Variants in FHOD3 observed in about 807,000 individuals in gnomAD.
The protein encoded by FHOD3 is FH1/FH2 domain-containing protein 3.
A neutral mutation model predicts 173.0 loss-of-function variants in FHOD3; 90 were observed. The ratio of observed to expected loss-of-function variants is 0.52; its 90% CI spans 0.44 to 0.62. FHOD3 has a LOEUF of 0.62. Ranked by LOEUF, FHOD3 falls within the 20% of genes least tolerant of loss-of-function variation. The probability of loss-of-function intolerance (pLI) is 0.00; values close to 1 mark genes in which losing one functional copy is unlikely to be tolerated. For synonymous variants in FHOD3, 828 were observed against 823.0 expected (o/e 1.01, Z -0.10); for missense variants, 1,945 against 2,034.7 (o/e 0.96, Z 0.85).
rs58493993 is a variant in FHOD3 at position 36,514,014 on chromosome 18, C to CTT, written c.511+1482_511+1483dup. Among the ~76,000 whole-genome samples the CTT allele has an allele frequency of 1.4e-4, 15 of 104,660 alleles. 2 individuals carry two copies. Among genetic ancestry groups the CTT allele is most frequent in the South Asian group, 3.7e-4 (1 of 2,738 alleles). 68.7% of individuals were successfully genotyped at this position (104,660 alleles called of 152,430 possible). On this transcript the variant is annotated intron_variant, in intron 5 of 28. Transcript: ENST00000590592. ...ATTGCTGAATTTTGCTATTTCTATT[C>CTT]TTTTTTTTTTTTGAGATGGAGTCTT...
At chr18:36,765,703 G>T (rs1417107118) in intron 27 of FHOD3, among the ~76,000 whole-genome samples, 1 of 152,166 alleles carries the variant, frequency 6.6e-6, no homozygotes, top group Admixed American at 6.6e-5. Context: ...TAAACTCATT[G>T]GATGGGCTTA....
chr18:36,630,282 T>C (rs1332446645), intron 10 of FHOD3, among the ~76,000 whole-genome samples: 2 of 152,236 alleles, frequency 1.3e-5, no homozygotes, highest in African/African-American at 4.8e-5. Flanking sequence ...TACAAACAAA[T>C]GTCATGGAAA....
rs982875490 is a variant in FHOD3 at position 36,699,424 on chromosome 18, T to C, written c.2236+6001T>C. ...TGGCTGGGTGAGACATCTGCACCTT[T>C]CATCCCAGGTGGGAGCCTTGGGTCA... On this transcript the variant is annotated intron_variant, in intron 17 of 28. Coordinates refer to ENST00000590592, the MANE Select transcript of FHOD3 (RefSeq NM_001281740.3). 2.0e-5 allele frequency among the ~76,000 whole-genome samples: 3 copies of C among 152,318 alleles called. No individual in the cohort carries two copies. In the South Asian group the frequency reaches 6.2e-4, roughly 32 times the overall value.
chr18:36,748,565 T>C (rs2042267603), intron 24 of FHOD3, among the ~76,000 whole-genome samples: 1 of 152,196 alleles, frequency 6.6e-6, no homozygotes, highest in African/African-American at 2.4e-5. Context: ...TTTCTTAAGC[T>C]ATAAAGTATT....
chr18:36,687,039 T>C (rs1300961951), intron 15 of FHOD3, 89 bp from the exon 16 acceptor site: 9 of 958,724 alleles, frequency 9.4e-6, no homozygotes, highest in Non-Finnish European at 1.4e-5. Context: ...TCTTTCATGA[T>C]ATACTGTTTA....
chr18:36,333,943 C>T (rs1407096979), intron 1 of FHOD3, among the ~76,000 whole-genome samples: 1 of 152,182 alleles, frequency 6.6e-6, no homozygotes, highest in Admixed American at 6.5e-5. Flanking sequence ...CCTGTATTCT[C>T]CATGTGTACC....
chr18:36,516,790 C>T (rs2056007829), intron 5 of FHOD3, among the ~76,000 whole-genome samples: 1 of 152,140 alleles, frequency 6.6e-6, no homozygotes, highest in Non-Finnish European at 1.5e-5. Context: ...ATATTGCAAA[C>T]CGTAAGTTGG....
intron 1 of FHOD3, among the ~76,000 whole-genome samples, chr18:36,348,117 G>A (rs2045952787): frequency 6.6e-6 from 1 of 152,212 alleles, no homozygotes; most frequent in African/African-American, 2.4e-5. Flanking sequence ...AAAGGGACAT[G>A]TGGCACTGCT....
chr18:36,710,231 A>C (rs2040095732), intron 18 of FHOD3: 1 of 152,236 alleles, frequency 6.6e-6, no homozygotes, highest in South Asian at 2.1e-4. Flanking sequence ...TACTTTTCCT[A>C]CCCATGACTT....
intron 2 of FHOD3, among the ~76,000 whole-genome samples, chr18:36,366,026 C>T (rs1007352823): frequency 5.3e-5 from 8 of 152,108 alleles, no homozygotes; most frequent in South Asian, 2.1e-4. Flanking sequence ...CTGTGTGTCT[C>T]GGACTCCTCA....
chr18:36,625,434 C>A, intron 9 of FHOD3, 77 bp from the exon 10 acceptor site: 1 of 1,255,264 alleles, frequency 8.0e-7, no homozygotes. Context: ...TAGGGCAATC[C>A]TGAAATGCAG....
intron 3 of FHOD3, among the ~76,000 whole-genome samples, chr18:36,487,943 A>C (rs1447453816): frequency 6.6e-6 from 1 of 152,220 alleles, no homozygotes; most frequent in Non-Finnish European, 1.5e-5. Context: ...ATTTGTTATG[A>C]GACAAAACCA....
At position 36,553,796 on chromosome 18, in the gene FHOD3, A is replaced by G. The variant is rs1309390937; in HGVS notation, c.512-22655A>G. 3.3e-5 allele frequency among the ~76,000 whole-genome samples: 5 copies of G among 152,200 alleles called. No homozygotes were observed. The East Asian group carries it at 9.6e-4, about 29-fold the overall frequency. ...ACTTAAACAAATTTACAAGAAAAAA[A>G]TCAAACAACCCTATCAAAAAGTGGG... is the stretch of plus-strand genomic sequence containing the variant. On this transcript the variant is annotated intron_variant, in intron 5 of 28. Transcript: ENST00000590592.
At chr18:36,535,915 A>G (rs1417765504) in intron 5 of FHOD3, among the ~76,000 whole-genome samples, 1 of 152,218 alleles carries the variant, frequency 6.6e-6, no homozygotes, top group Non-Finnish European at 1.5e-5. Flanking sequence ...TACTTCTATG[A>G]TAAGAGAGAA....
chr18:36,468,553 G>A (rs1367692738), intron 3 of FHOD3, among the ~76,000 whole-genome samples: 1 of 152,182 alleles, frequency 6.6e-6, no homozygotes, highest in Non-Finnish European at 1.5e-5. Context: ...GCCAGTGGAA[G>A]GGAAGGTGAG....
intron 5 of FHOD3, among the ~76,000 whole-genome samples, chr18:36,525,039 G>A (rs1285625439): frequency 2.6e-5 from 4 of 152,188 alleles, no homozygotes; most frequent in Non-Finnish European, 5.9e-5. Context: ...ATTCTAAGGT[G>A]GCCCAGAAGA....
chr18:36,491,462 A>G (rs1382841910), intron 3 of FHOD3, among the ~76,000 whole-genome samples: 3 of 152,170 alleles, frequency 2.0e-5, no homozygotes, highest in Admixed American at 6.5e-5. Context: ...TTTATGGTGT[A>G]TATTCTATGG....
chr18:36,341,515 T>A (rs1483044268), intron 1 of FHOD3, among the ~76,000 whole-genome samples: 1 of 152,200 alleles, frequency 6.6e-6, no homozygotes, highest in African/African-American at 2.4e-5. Context: ...GTGCAGGGTC[T>A]ATGAAGGCAA....
At chr18:36,348,972 G>A (rs1245836039) in intron 1 of FHOD3, among the ~76,000 whole-genome samples, 1 of 152,206 alleles carries the variant, frequency 6.6e-6, no homozygotes, top group African/African-American at 2.4e-5. Context: ...GGTTGAGGTG[G>A]CAAGCTCATG....
Sources: allele counts gnomAD v4.1 joint callset (sites outside exome capture counted in the v4.1 genomes callset), GRCh38; gene constraint gnomAD v4.1.1; transcripts MANE v1.5; gene names NCBI Gene and HGNC (gene_info 2026-07-23, HGNC 2026-07-21).